The following PRIMA1 variants were observed in gnomAD, a reference collection of about 807,000 sequenced individuals.
The protein encoded by PRIMA1 is proline rich membrane anchor 1, also known as proline-rich membrane anchor 1.
A neutral mutation model predicts 17.5 loss-of-function variants in PRIMA1; 7 were observed. The observed-to-expected ratio is 0.40, with a 90% CI of 0.23 to 0.75. The LOEUF is 0.75. PRIMA1 is among the 30% of genes least tolerant of loss of function. The probability of loss-of-function intolerance (pLI) is 0.37; values close to 1 mark genes in which losing one functional copy is unlikely to be tolerated. For synonymous variants in PRIMA1, 97 were observed against 77.9 expected (o/e 1.25, Z -1.29); for missense variants, 200 against 201.8 (o/e 0.99, Z 0.05).
intron 3 of PRIMA1, among the ~76,000 whole-genome samples, chr14:93,755,755 C>T (rs1177786910): frequency 6.6e-6 from 1 of 152,174 alleles, no homozygotes; most frequent in African/African-American, 2.4e-5. Context: ...ACATGATGGG[C>T]TCCTGTGGCC....
At chr14:93,734,920 A>G (rs1353606013) in intron 4 of PRIMA1, among the ~76,000 whole-genome samples, 2 of 152,090 alleles carry the variant, frequency 1.3e-5, no homozygotes, top group African/African-American at 2.4e-5. Flanking sequence ...GACGCCCCTC[A>G]CACCCTTCCT....
chr14:93,780,035 C>G (rs557133638), intron 2 of PRIMA1, among the ~76,000 whole-genome samples: 1 of 152,356 alleles, frequency 6.6e-6, no homozygotes, highest in East Asian at 1.9e-4. Context: ...AGGGGCGATC[C>G]CTGACAACCT....
chr14:93,752,626 A>C lies in PRIMA1; in HGVS notation c.230-15256T>G, dbSNP rs117442369. Among the ~76,000 whole-genome samples, 21 of 152,356 alleles carry C rather than the reference A, an allele frequency of 1.4e-4. No homozygotes were observed. In the East Asian group the frequency reaches 4.1e-3, roughly 29 times the overall value. ...AGGCCCACGAGAACTCCACCAGTGC[A>C]ATATCCAAAGACAATTTCTGTGACG... is the stretch of plus-strand genomic sequence containing the variant. On this transcript the variant is annotated intron_variant, in intron 3 of 4. Coordinates refer to ENST00000393140, the MANE Select transcript of PRIMA1 (RefSeq NM_178013.4).
In PRIMA1 at chr14:93,726,147, C is replaced by A; in HGVS notation, c.360-4601G>T. On this transcript the variant is annotated intron_variant, in intron 4 of 4. Transcript: ENST00000393140. The surrounding 1 kb of genome is among the most constrained non-coding windows in gnomAD (Gnocchi z 4.2). ...GGGCAGCAGGCTCCCACATTCCCTG[C>A]TCGGAGTGCCGCGCGGACAGCTCCA... 2.3e-6 allele frequency: 1 copy of A among 438,560 alleles called. No homozygotes were observed. The highest frequency in any genetic ancestry group is 2.4e-5 in the Admixed American group (1 of 41,492). The allele number at this position is 438,560 out of a possible 1,614,324, so 27.2% of individuals were successfully genotyped here.
intron 3 of PRIMA1, among the ~76,000 whole-genome samples, chr14:93,767,927 C>A (rs539114362): frequency 6.6e-6 from 1 of 152,240 alleles, no homozygotes; most frequent in East Asian, 1.9e-4. Context: ...TCAGTGGCTG[C>A]AGGGGATGGT....
intron 4 of PRIMA1, among the ~76,000 whole-genome samples, chr14:93,729,378 G>T (rs1474799725): frequency 6.6e-6 from 1 of 152,160 alleles, no homozygotes; most frequent in Non-Finnish European, 1.5e-5. Context: ...GTACGCATGT[G>T]AACAGCAGGG....
chr14:93,724,915 T>C (rs1422573876), intron 4 of PRIMA1, among the ~76,000 whole-genome samples: 4 of 152,216 alleles, frequency 2.6e-5, no homozygotes, highest in Non-Finnish European at 5.9e-5. Flanking sequence ...TAAGCCTGGA[T>C]GGCTCAAGGT....
In PRIMA1 at chr14:93,726,971, G is replaced by T. The variant is rs1566962822; in HGVS notation, c.360-5425C>A. On this transcript the variant is annotated intron_variant, in intron 4 of 4. Transcript: ENST00000393140. This position sits in a 1 kb window ranked among gnomAD's most constrained non-coding sequence, Gnocchi z 4.2. ...TATACACACACACTCAGCGTTCCATGATGAGACTCCTCTGTAGACCTCAGA... is the reference window on the plus strand; with the variant it reads ...TATACACACACACTCAGCGTTCCATTATGAGACTCCTCTGTAGACCTCAGA... Among the ~76,000 whole-genome samples the T allele has an allele frequency of 6.6e-6, 1 of 152,160 alleles. No homozygotes were observed. The highest frequency in any genetic ancestry group is 1.5e-5 in the Non-Finnish European group (1 of 68,028).
At chr14:93,721,612 C>T (rs997298176) in intron 4 of PRIMA1, 66 bp from the exon 5 acceptor site, 2 of 959,362 alleles carry the variant, frequency 2.1e-6, no homozygotes, top group Non-Finnish European at 3.3e-6. Context: ...TTAGTTATCA[C>T]TGATGGTGGG....
chr14:93,745,762 A>G (rs2076213403), intron 3 of PRIMA1, among the ~76,000 whole-genome samples: 1 of 152,234 alleles, frequency 6.6e-6, no homozygotes, highest in Non-Finnish European at 1.5e-5. Flanking sequence ...ATATCACATC[A>G]GCTGCCCAGT....
chr14:93,748,061 AG>A (rs2076236454), intron 3 of PRIMA1, among the ~76,000 whole-genome samples: 1 of 147,602 alleles, frequency 6.8e-6, no homozygotes, highest in Non-Finnish European at 1.5e-5. Flanking sequence ...TGTGTATGTG[AG>A]TGTGAATGTG....
At chr14:93,752,635 A>G (rs1268747311) in intron 3 of PRIMA1, among the ~76,000 whole-genome samples, 2 of 152,184 alleles carry the variant, frequency 1.3e-5, no homozygotes, top group Non-Finnish European at 2.9e-5. Flanking sequence ...CAATATCCAA[A>G]GACAATTTCT....
intron 3 of PRIMA1, among the ~76,000 whole-genome samples, chr14:93,770,222 C>T (rs760270142): frequency 2.0e-5 from 3 of 152,154 alleles, no homozygotes; most frequent in Admixed American, 6.5e-5. Flanking sequence ...CACTGGGCTC[C>T]CAGCCTCCAC....
chr14:93,748,628 G>A (rs1219113463), intron 3 of PRIMA1, among the ~76,000 whole-genome samples: 2 of 152,138 alleles, frequency 1.3e-5, no homozygotes, highest in East Asian at 1.9e-4. Context: ...CCTGGGTGAG[G>A]GGCTCTGTGC....
At chr14:93,764,428 C>T (rs1157454340) in intron 3 of PRIMA1, among the ~76,000 whole-genome samples, 1 of 151,422 alleles carries the variant, frequency 6.6e-6, no homozygotes, top group East Asian at 2.0e-4. Flanking sequence ...GCATGTTCTG[C>T]CCCCCCGCCC....
At chr14:93,785,457 A>T (rs1287659293) in intron 2 of PRIMA1, among the ~76,000 whole-genome samples, 1 of 152,208 alleles carries the variant, frequency 6.6e-6, no homozygotes, top group Non-Finnish European at 1.5e-5. Flanking sequence ...CGACGATCCC[A>T]TTAATCATAG....
At chr14:93,736,771 T>A (rs1367519326) in intron 4 of PRIMA1, among the ~76,000 whole-genome samples, 1 of 152,268 alleles carries the variant, frequency 6.6e-6, no homozygotes, top group Non-Finnish European at 1.5e-5. Flanking sequence ...ATTTTAGATG[T>A]TAGGAATGTT....
chr14:93,721,261 T>G lies in PRIMA1; in HGVS notation c.*183A>C. 1.7e-6 allele frequency: 1 copy of G among 572,390 alleles called. No homozygotes were observed. The highest frequency in any genetic ancestry group is 2.9e-5 in the East Asian group (1 of 34,314). 35.5% of individuals were successfully genotyped at this position (572,390 alleles called of 1,614,324 possible). ...GGCTCAGCCTGGTGTCCGAGCTGCC[T>G]GGGCCCGCAGGCTGACCAGGGGCAA... On this transcript the variant is annotated 3_prime_UTR_variant, in exon 5 of 5. Coordinates refer to ENST00000393140, the MANE Select transcript of PRIMA1 (RefSeq NM_178013.4).
intron 2 of PRIMA1, among the ~76,000 whole-genome samples, chr14:93,786,555 C>T (rs988398062): frequency 6.6e-6 from 1 of 152,122 alleles, no homozygotes. Context: ...GTCTGTCACC[C>T]CTACTAGTAC....
Sources: allele counts gnomAD v4.1 joint callset (sites outside exome capture counted in the v4.1 genomes callset), GRCh38; gene constraint gnomAD v4.1.1; non-coding constraint Gnocchi (gnomAD v3.1); transcripts MANE v1.5; gene names NCBI Gene and HGNC (gene_info 2026-07-23, HGNC 2026-07-21).